Variants in ASB3 observed in about 807,000 individuals in gnomAD.
ASB3 encodes ankyrin repeat and SOCS box protein 3.
Under a neutral mutation model 54.5 loss-of-function variants are expected in ASB3, and 41 were observed. That is an observed-to-expected ratio of 0.75 (90% CI 0.59 to 0.98). The LOEUF is 0.98. Among genes scored for constraint, ASB3 ranks in the 50% least tolerant of loss-of-function variants. The pLI, the probability that ASB3 is intolerant of heterozygous loss-of-function variation, is 0.00. For missense variants in ASB3, 733 were observed against 620.0 expected (o/e 1.18, Z -1.94); for synonymous variants, 266 against 221.2 (o/e 1.20, Z -1.80).
chr2:53,766,235 T>C (rs1246285333), intron 1 of ASB3, among the ~76,000 whole-genome samples: 1 of 152,198 alleles, frequency 6.6e-6, no homozygotes, highest in Non-Finnish European at 1.5e-5. Flanking sequence ...CCGGTTTTCC[T>C]ACATAGCCCA....
chr2:53,742,291 C>T (rs1348985902), intron 3 of ASB3, among the ~76,000 whole-genome samples: 1 of 152,114 alleles, frequency 6.6e-6, no homozygotes, highest in Non-Finnish European at 1.5e-5. Context: ...CCTCTACCTC[C>T]TTCCTATTAT....
chr2:53,698,828 C>A (rs1348686364), intron 8 of ASB3, among the ~76,000 whole-genome samples: 1 of 152,198 alleles, frequency 6.6e-6, no homozygotes, highest in East Asian at 1.9e-4. Context: ...ACCAGAATCA[C>A]CCTTAACACT....
At chr2:53,752,804 G>A (rs1672591508) in intron 2 of ASB3, among the ~76,000 whole-genome samples, 1 of 152,172 alleles carries the variant, frequency 6.6e-6, no homozygotes, top group Non-Finnish European at 1.5e-5. Flanking sequence ...TACAAATGCA[G>A]AAAGGAAGGT....
intron 5 of ASB3, among the ~76,000 whole-genome samples, chr2:53,718,149 T>C (rs1670500509): frequency 6.6e-6 from 1 of 152,200 alleles, no homozygotes; most frequent in Admixed American, 6.5e-5. Flanking sequence ...TTCCCTAATC[T>C]TGCCAGAGAG....
intron 3 of ASB3, among the ~76,000 whole-genome samples, chr2:53,731,891 G>A (rs1311653110): frequency 3.3e-5 from 5 of 152,160 alleles, no homozygotes; most frequent in East Asian, 1.9e-4. Flanking sequence ...GACCTCAGGT[G>A]ATCCACCAGC....
At chr2:53,670,716 AAACTTTTTT>A (rs758926249) in intron 9 of ASB3, 26 bp from the exon 10 acceptor site, 3 of 1,586,342 alleles carry the variant, frequency 1.9e-6, no homozygotes, top group Non-Finnish European at 2.6e-6. Flanking sequence ...AAGCAAGGTG[AAACTTTTTT>A]AAACAGAAAG....
chr2:53,782,938 C>T (rs780046118), intron 1 of ASB3, among the ~76,000 whole-genome samples: 4 of 152,080 alleles, frequency 2.6e-5, no homozygotes, highest in Non-Finnish European at 5.9e-5. Context: ...AGAAGCCTGC[C>T]AAGACTTCCG....
intron 1 of ASB3, among the ~76,000 whole-genome samples, chr2:53,768,915 G>T (rs1395447094): frequency 6.6e-6 from 1 of 152,222 alleles, no homozygotes; most frequent in Non-Finnish European, 1.5e-5. Flanking sequence ...AAGTGGAAAA[G>T]ATCAAGGCGC....
At chr2:53,706,801 T>C (rs898555428) in intron 7 of ASB3, among the ~76,000 whole-genome samples, 1 of 152,166 alleles carries the variant, frequency 6.6e-6, no homozygotes, top group African/African-American at 2.4e-5. Context: ...CTGATTCTTA[T>C]GCCCAATACT....
At chr2:53,743,793 A>T (rs1307484952) in intron 3 of ASB3, among the ~76,000 whole-genome samples, 1 of 152,218 alleles carries the variant, frequency 6.6e-6, no homozygotes, top group African/African-American at 2.4e-5. Flanking sequence ...CTGTAATCCC[A>T]GTTCTTCGGG....
At chr2:53,729,702 CA>C (rs1297158536) in intron 3 of ASB3, 132 bp from the exon 4 acceptor site, 8 of 693,094 alleles carry the variant, frequency 1.2e-5, no homozygotes, top group Non-Finnish European at 2.0e-5. Context: ...ACAGTTATCA[CA>C]ATTGTCTTAG....
chr2:53,713,977 A>G (rs1470584216), intron 7 of ASB3, among the ~76,000 whole-genome samples: 2 of 152,182 alleles, frequency 1.3e-5, no homozygotes, highest in Non-Finnish European at 2.9e-5. Context: ...ATATCTATAA[A>G]ACTAAAGTTT....
intron 9 of ASB3, among the ~76,000 whole-genome samples, chr2:53,671,391 T>TGTGTGTGTGCGC (rs1397141996): frequency 1.3e-5 from 2 of 151,510 alleles, no homozygotes; most frequent in African/African-American, 4.9e-5. Flanking sequence ...TGTGTGTGTG[T>TGTGTGTGTGCGC]GTGTGTATCT....
chr2:53,743,600 G>T (rs1462711579), intron 3 of ASB3, among the ~76,000 whole-genome samples: 1 of 152,068 alleles, frequency 6.6e-6, no homozygotes, highest in Non-Finnish European at 1.5e-5. Flanking sequence ...ACAATATAAG[G>T]ATACTGATTT....
chr2:53,709,925 T>A (rs953975874), intron 7 of ASB3, among the ~76,000 whole-genome samples: 1 of 152,192 alleles, frequency 6.6e-6, no homozygotes, highest in South Asian at 2.1e-4. Context: ...TACCATGCCA[T>A]GAGGATACTG....
At chr2:53,714,707 G>T in intron 6 of ASB3, 126 bp from the exon 7 acceptor site, 1 of 924,640 alleles carries the variant, frequency 1.1e-6, no homozygotes, top group Non-Finnish European at 1.6e-6. Context: ...TTCTGTCTAG[G>T]GTGTACCTTC....
chr2:53,703,692 T>C (rs1466792101), intron 7 of ASB3, among the ~76,000 whole-genome samples: 4 of 152,190 alleles, frequency 2.6e-5, no homozygotes, highest in East Asian at 1.9e-4. Context: ...TAGATAAAAG[T>C]TTATTAGAAT....
At chr2:53,681,701 C>G (rs896187520) in intron 9 of ASB3, among the ~76,000 whole-genome samples, 5 of 152,064 alleles carry the variant, frequency 3.3e-5, no homozygotes, top group African/African-American at 1.2e-4. Context: ...GTTCTCTATT[C>G]TGTTTCATTG....
intron 1 of ASB3, chr2:53,772,078 T>G (rs142762237): frequency 5.4e-4 from 305 of 566,906 alleles, no homozygotes; most frequent in African/African-American, 2.1e-3. Context: ...TATTTGTGGG[T>G]TTTTTTTGTG....
Sources: allele counts gnomAD v4.1 joint callset (sites outside exome capture counted in the v4.1 genomes callset), GRCh38; gene constraint gnomAD v4.1.1; transcripts MANE v1.5; gene names NCBI Gene and HGNC (gene_info 2026-07-23, HGNC 2026-07-21).